The following ELL variants were observed in gnomAD, a reference collection of about 807,000 sequenced individuals.
The protein encoded by ELL is elongation factor for RNA polymerase II.
A neutral mutation model predicts 64.0 loss-of-function variants in ELL; 18 were observed. The observed-to-expected ratio is 0.28, with a 90% confidence interval of 0.19 to 0.42. The LOEUF is 0.42. Ranked by LOEUF, ELL falls within the 10% of genes least tolerant of loss-of-function variation. ELL has a pLI of 1.00. For missense variants in ELL, 797 were observed against 870.4 expected (o/e 0.92, Z 1.06); for synonymous variants, 399 against 376.2 (o/e 1.06, Z -0.70).
intron 5 of ELL, among the ~76,000 whole-genome samples, chr19:18,460,619 C>G (rs1350555080): frequency 6.6e-6 from 1 of 152,228 alleles, no homozygotes; most frequent in Non-Finnish European, 1.5e-5. Flanking sequence ...AGGGTCCCAC[C>G]AGCCGCGCAC....
intron 1 of ELL, among the ~76,000 whole-genome samples, chr19:18,484,380 G>A (rs1049884795): frequency 5.5e-4 from 83 of 152,162 alleles, no homozygotes; most frequent in Admixed American, 2.5e-3. Context: ...CAAGAAAATC[G>A]CTTGAACCTG....
intron 1 of ELL, among the ~76,000 whole-genome samples, chr19:18,521,610 G>A (rs1049576659): frequency 4.6e-5 from 7 of 152,064 alleles, no homozygotes; most frequent in African/African-American, 1.4e-4. Flanking sequence ...CTGCCCAGGT[G>A]CCCAGCAGGC....
intron 2 of ELL, among the ~76,000 whole-genome samples, chr19:18,467,174 C>T (rs1974956113): frequency 6.6e-6 from 1 of 152,140 alleles, no homozygotes; most frequent in Non-Finnish European, 1.5e-5. Flanking sequence ...TGGGTTCGGC[C>T]ACTTGGGGCA....
chr19:18,517,409 T>C (rs541542964), intron 1 of ELL, among the ~76,000 whole-genome samples: 62 of 152,012 alleles, frequency 4.1e-4, no homozygotes, highest in African/African-American at 1.4e-3. Context: ...CCACCACGCC[T>C]GGCTAATTTT....
chr19:18,455,390 C>T (rs910632126), intron 6 of ELL, among the ~76,000 whole-genome samples: 14 of 150,472 alleles, frequency 9.3e-5, no homozygotes, highest in Admixed American at 6.0e-4. Flanking sequence ...ACTCGGGAAG[C>T]TGAGGCACAG....
intron 4 of ELL, among the ~76,000 whole-genome samples, chr19:18,462,190 G>GTA (rs1974832144): frequency 8.8e-6 from 1 of 114,014 alleles, no homozygotes; most frequent in Non-Finnish European, 1.7e-5. Flanking sequence ...GTGTGTGTGT[G>GTA]TGTGTGTGTG....
At chr19:18,463,070 T>A (rs1487702812) in intron 4 of ELL, among the ~76,000 whole-genome samples, 3 of 152,176 alleles carry the variant, frequency 2.0e-5, no homozygotes, top group Admixed American at 2.0e-4. Flanking sequence ...AGCTCAACAG[T>A]GCCTCAAATC....
chr19:18,500,378 C>A (rs1244624701), intron 1 of ELL, among the ~76,000 whole-genome samples: 1 of 152,096 alleles, frequency 6.6e-6, no homozygotes, highest in Admixed American at 6.6e-5. Context: ...TGTAAATGAA[C>A]CCCACTGGGC....
At chr19:18,471,399 G>A in intron 2 of ELL, 2 of 441,808 alleles carry the variant, frequency 4.5e-6, no homozygotes, top group Non-Finnish European at 9.0e-6. Context: ...GCTGGGCGTG[G>A]TGGCTCACCT....
At chr19:18,482,909 C>T (rs1975335739) in intron 1 of ELL, among the ~76,000 whole-genome samples, 1 of 151,768 alleles carries the variant, frequency 6.6e-6, no homozygotes, top group Non-Finnish European at 1.5e-5. Flanking sequence ...CCCACCTTAT[C>T]CCCAAGCAGC....
At chr19:18,498,332 A>G (rs547370723) in intron 1 of ELL, among the ~76,000 whole-genome samples, 1 of 152,248 alleles carries the variant, frequency 6.6e-6, no homozygotes, top group African/African-American at 2.4e-5. Flanking sequence ...CTAAAATTAG[A>G]TTTCGAGAAG....
rs762343111 is a variant in ELL, at chr19:18,444,827, G to A, written c.1791C>T (p.Tyr597=). The change falls in exon 12 of 12, where the codon TAC becomes TAT. Residue 597 remains tyrosine (Y), a synonymous_variant. Transcript: ENST00000262809. ...TGATGTGGGCCAGCTTGCTGTGCAG[G>A]TACTCGCAGCGGTGCTTCTCCTGGC... is the stretch of plus-strand genomic sequence containing the variant. ...NYSQEKHRCE[Y]LHSKLAHIKR... The A allele has an allele frequency of 6.2e-7, 1 of 1,612,102 alleles. No individual in the cohort carries two copies. Among genetic ancestry groups the A allele is most frequent in the Non-Finnish European group, 8.5e-7 (1 of 1,179,946 alleles).
At chr19:18,518,440 T>C (rs1976176948) in intron 1 of ELL, among the ~76,000 whole-genome samples, 1 of 148,568 alleles carries the variant, frequency 6.7e-6, no homozygotes, top group Admixed American at 6.8e-5. Context: ...CAGTGAGCTA[T>C]GATCATGCCA....
At chr19:18,509,642 CA>C (rs1568399819) in intron 1 of ELL, among the ~76,000 whole-genome samples, 4 of 147,504 alleles carry the variant, frequency 2.7e-5, no homozygotes, top group East Asian at 2.0e-4. Context: ...CACACACACA[CA>C]CACACACACA....
chr19:18,500,627 G>A (rs546216622), intron 1 of ELL, among the ~76,000 whole-genome samples: 1 of 152,212 alleles, frequency 6.6e-6, no homozygotes, highest in African/African-American at 2.4e-5. Flanking sequence ...GGTCCCCTGG[G>A]AAGGTCGGCA....
At chr19:18,497,007 C>A (rs1975668659) in intron 1 of ELL, among the ~76,000 whole-genome samples, 2 of 152,338 alleles carry the variant, frequency 1.3e-5, no homozygotes, top group East Asian at 3.9e-4. Flanking sequence ...AACTAACATA[C>A]TCTCACCATC....
At position 18,501,835 on chromosome 19, in the gene ELL, G is replaced by C. The variant is rs923237668; in HGVS notation, c.135+20086C>G. ...CCTCAACCTCCAGCTACGTGTCTGC[G>C]GGTGGGCAGGAAGGAGGGGAGGCAG... is the stretch of plus-strand genomic sequence containing the variant. On this transcript the variant is annotated intron_variant, in intron 1 of 11. Transcript: ENST00000262809. The surrounding 1 kb of genome is among the most constrained non-coding windows in gnomAD (Gnocchi z 4.5). Among the ~76,000 whole-genome samples, 4 of 152,198 alleles carry C rather than the reference G, an allele frequency of 2.6e-5. No individual in the cohort carries two copies. Among genetic ancestry groups the C allele is most frequent in the African/African-American group, 4.8e-5 (2 of 41,440 alleles).
intron 4 of ELL, among the ~76,000 whole-genome samples, chr19:18,463,921 G>A (rs1319436564): frequency 6.6e-6 from 1 of 151,370 alleles, no homozygotes; most frequent in Non-Finnish European, 1.5e-5. Flanking sequence ...GGGAGGCGGA[G>A]GTTGCAGTGA....
intron 1 of ELL, among the ~76,000 whole-genome samples, chr19:18,479,552 T>C (rs557628131): frequency 3.8e-4 from 57 of 151,602 alleles, no homozygotes; most frequent in Admixed American, 1.9e-3. Flanking sequence ...CTACTAAAAA[T>C]ACAAAAATTA....
Sources: allele counts gnomAD v4.1 joint callset (sites outside exome capture counted in the v4.1 genomes callset), GRCh38; gene constraint gnomAD v4.1.1; non-coding constraint Gnocchi (gnomAD v3.1); transcripts MANE v1.5; gene names NCBI Gene and HGNC (gene_info 2026-07-23, HGNC 2026-07-21).